Variants in PCDHB7 observed in about 807,000 individuals in gnomAD.
The protein encoded by PCDHB7 is protocadherin beta 7, also known as protocadherin beta-7.
For missense variants in PCDHB7, 1,148 were observed against 1,011.6 expected (o/e 1.13, Z -1.83); for synonymous variants, 542 against 463.1 (o/e 1.17, Z -2.19).
Position 141,173,434 on chromosome 5 carries a change from T to G in PCDHB7, c.599T>G (p.Leu200Arg). 1.2e-6 allele frequency: 2 copies of G among 1,614,224 alleles called. No homozygotes were observed. The highest frequency in any genetic ancestry group is 8.5e-7 in the Non-Finnish European group (1 of 1,180,050). ...CCCGAATTGGTGCTGAATCAAGTGCTGGATCGGGAAGAGATACCAGAGTTC... is the reference window on the plus strand; with the variant it reads ...CCCGAATTGGTGCTGAATCAAGTGCGGGATCGGGAAGAGATACCAGAGTTC... ...IYPELVLNQVLDREEIPEFSL... is the reference protein window; with the variant it reads ...IYPELVLNQVRDREEIPEFSL... Residue 200 changes from leucine to arginine, a missense_variant, in exon 1 of 1, where the codon CTG becomes CGG. Physicochemically the swap from Leu to Arg is moderately radical, Grantham distance 102. Coordinates refer to ENST00000231137, the MANE Select transcript of PCDHB7 (RefSeq NM_018940.4).
chr5:141,173,678 T>A lies in PCDHB7; in HGVS notation c.843T>A (p.Phe281Leu). The change falls in exon 1 of 1, where the codon TTT becomes TTA. Residue 281 changes from phenylalanine to leucine, a missense_variant. Coordinates refer to ENST00000231137, the MANE Select transcript of PCDHB7 (RefSeq NM_018940.4). ...TGSNGEIAYA[F>L]SYATERILKT... ...GTAATGGGGAAATAGCCTATGCATTTTCTTACGCCACTGAAAGAATTCTCA... is the reference window on the plus strand; with the variant it reads ...GTAATGGGGAAATAGCCTATGCATTATCTTACGCCACTGAAAGAATTCTCA... 6.2e-7 allele frequency: 1 copy of A among 1,614,202 alleles called. No homozygotes were observed. The highest frequency in any genetic ancestry group is 1.3e-5 in the African/African-American group (1 of 75,068).
At position 141,172,799 on chromosome 5, in the gene PCDHB7, G is replaced by T; in HGVS notation, c.-37G>T. On this transcript the variant is annotated 5_prime_UTR_variant, in exon 1 of 1. Transcript: ENST00000231137. ...CCATTTGTGAGAGCCGCTGGAGGCT[G>T]AGTGAAAGTCATTTTGAAAGACTGA... 6.5e-7 allele frequency: 1 copy of T among 1,550,200 alleles called. No homozygotes were observed. The highest frequency in any genetic ancestry group is 8.8e-7 in the Non-Finnish European group (1 of 1,131,638).
In PCDHB7 at chr5:141,173,511, G is replaced by T. The variant is rs372965970; in HGVS notation, c.676G>T (p.Ala226Ser). 1.2e-6 allele frequency: 2 copies of T among 1,613,912 alleles called. No homozygotes were observed. The highest frequency in any genetic ancestry group is 1.7e-5 in the Admixed American group (1 of 60,010). ...DGGSPPRSGT[A>S]LVRILVLDVN... is the part of the protein sequence containing the mutation. ...CGGCTCTCCTCCAAGATCAGGGACC[G>T]CCCTCGTGCGCATTCTGGTTCTAGA... is the stretch of plus-strand genomic sequence containing the variant. Residue 226 changes from alanine to serine, a missense_variant, in exon 1 of 1, where the codon GCC (alanine) becomes TCC (serine). Transcript: ENST00000231137.
rs1554280287 is a variant in PCDHB7, at chr5:141,174,657, A to G, written c.1822A>G (p.Lys608Glu). The G allele has an allele frequency of 1.9e-6, 3 of 1,610,420 alleles. No homozygotes were observed. The highest frequency in any genetic ancestry group is 1.7e-5 in the Admixed American group (1 of 60,014). Residue 608 changes from lysine (K) to glutamate (E), a missense_variant, in exon 1 of 1, where the codon AAG (lysine) becomes GAG (glutamate). Lys to Glu is a moderately conservative substitution (Grantham distance 56). Transcript: ENST00000231137. ...CGCCTGGCTGTCGTACCAGCTGCTC[A>G]AGGCCACGGAGCCCGGGCTATTCGG... ...QNAWLSYQLL[K>E]ATEPGLFGVW...
chr5:141,174,471 C>G lies in PCDHB7; in HGVS notation c.1636C>G (p.Leu546Val), dbSNP rs1439954147. Reference protein sequence around the residue: ...RGSPALSSEALVRVLVLDAND... With the variant: ...RGSPALSSEAVVRVLVLDAND... ...CTCCCCCGCGCTGAGCAGCGAGGCGCTGGTGCGCGTGCTGGTGCTGGACGC... is the reference window on the plus strand; with the variant it reads ...CTCCCCCGCGCTGAGCAGCGAGGCGGTGGTGCGCGTGCTGGTGCTGGACGC... The change falls in exon 1 of 1, where the codon CTG (leucine) becomes GTG (valine). Residue 546 changes from leucine (L) to valine (V), a missense_variant. By Grantham distance (32) the Leu-to-Val change is conservative. Transcript: ENST00000231137. The G allele has an allele frequency of 2.3e-5, 37 of 1,611,208 alleles. No individual in the cohort carries two copies. The highest frequency in any genetic ancestry group is 3.0e-5 in the Non-Finnish European group (35 of 1,179,552).
rs574144062 is a variant in PCDHB7, at chr5:141,173,538, G to A, written c.703G>A (p.Val235Ile). 2 of 1,613,676 alleles carry A rather than the reference G, an allele frequency of 1.2e-6. No individual in the cohort carries two copies. Among genetic ancestry groups the A allele is most frequent in the South Asian group, 1.1e-5 (1 of 91,038 alleles). ...TALVRILVLD[V>I]NDNAPDFVRS... The stretch of plus-strand genomic sequence containing the variant: ...CCTCGTGCGCATTCTGGTTCTAGAC[G>A]TAAATGACAACGCCCCTGATTTTGT... The change falls in exon 1 of 1, where the codon GTA becomes ATA. Residue 235 changes from valine to isoleucine, a missense_variant. Physicochemically the swap from Val to Ile is conservative, Grantham distance 29. Coordinates refer to ENST00000231137, the MANE Select transcript of PCDHB7 (RefSeq NM_018940.4).
Position 141,174,182 on chromosome 5 carries a change from C to G in PCDHB7, c.1347C>G (p.Pro449=). The G allele has an allele frequency of 1.9e-6, 3 of 1,613,594 alleles. No individual in the cohort carries two copies. Among genetic ancestry groups the G allele is most frequent in the Non-Finnish European group, 2.5e-6 (3 of 1,180,044 alleles). Residue 449 remains proline, a synonymous_variant, in exon 1 of 1, where the codon CCC becomes CCG. Transcript: ENST00000231137. ...TCTCCGACGTCAATGACAACGCTCC[C>G]GCCTTCACCCAAACCTCCTACACCC... The part of the protein sequence containing the change: ...VLVSDVNDNA[P]AFTQTSYTLF...
rs552026550 is a variant in PCDHB7, at chr5:141,173,658, G to A, written c.823G>A (p.Gly275Arg). The A allele has an allele frequency of 1.2e-6, 2 of 1,614,152 alleles. No homozygotes were observed. The highest frequency in any genetic ancestry group is 1.3e-5 in the African/African-American group (1 of 75,050). Residue 275 changes from glycine (G) to arginine (R), a missense_variant, in exon 1 of 1, where the codon GGG (glycine) becomes AGG (arginine). By Grantham distance (125) the Gly-to-Arg change is moderately radical (BLOSUM62 -2). Coordinates refer to ENST00000231137, the MANE Select transcript of PCDHB7 (RefSeq NM_018940.4). ...CAGAGATTTAGATACCGGAAGTAAT[G>A]GGGAAATAGCCTATGCATTTTCTTA... The part of the protein sequence containing the change: ...SARDLDTGSN[G>R]EIAYAFSYAT...
chr5:141,174,463 G>A lies in PCDHB7; in HGVS notation c.1628G>A (p.Ser543Asn). The change falls in exon 1 of 1, where the codon AGC (serine) becomes AAC (asparagine). Residue 543 changes from serine to asparagine, a missense_variant. Coordinates refer to ENST00000231137, the MANE Select transcript of PCDHB7 (RefSeq NM_018940.4). ...ATDRGSPALS[S>N]EALVRVLVLD... ...GACCGCGGCTCCCCCGCGCTGAGCA[G>A]CGAGGCGCTGGTGCGCGTGCTGGTG... 2 of 1,611,508 alleles carry A rather than the reference G, an allele frequency of 1.2e-6. No homozygotes were observed. Among genetic ancestry groups the A allele is most frequent in the Non-Finnish European group, 1.7e-6 (2 of 1,179,664 alleles).
chr5:141,175,883 C>T lies in PCDHB7; in HGVS notation c.*666C>T, dbSNP rs1588350956. On this transcript the variant is annotated 3_prime_UTR_variant, in exon 1 of 1. Transcript: ENST00000231137. ...GAAGTCTTTTATCATATTTATACTGCTGTCCAATCTTTTCTATATTTAGAA... is the reference window on the plus strand; with the variant it reads ...GAAGTCTTTTATCATATTTATACTGTTGTCCAATCTTTTCTATATTTAGAA... 1 of 167,190 alleles carries T rather than the reference C, an allele frequency of 6.0e-6. No individual in the cohort carries two copies. The highest frequency in any genetic ancestry group is 2.1e-4 in the South Asian group (1 of 4,838). 10.4% of individuals were successfully genotyped at this position (167,190 alleles called of 1,614,324 possible).
chr5:141,174,959 G>C lies in PCDHB7; in HGVS notation c.2124G>C (p.Ala708=), dbSNP rs781841171. 1 of 1,611,298 alleles carries C rather than the reference G, an allele frequency of 6.2e-7. No homozygotes were observed. Among genetic ancestry groups the C allele is most frequent in the Non-Finnish European group, 8.5e-7 (1 of 1,178,142 alleles). ...TCCTCTCGGTGCTCCTGTTCGTGGCGGTGCGGCTGTGCAGGAGGAGCAGGG... is the reference window on the plus strand; with the variant it reads ...TCCTCTCGGTGCTCCTGTTCGTGGCCGTGCGGCTGTGCAGGAGGAGCAGGG... ...LFLLSVLLFV[A]VRLCRRSRAA... is the part of the protein sequence containing the mutation. Residue 708 remains alanine (A), a synonymous_variant, in exon 1 of 1, where the codon GCG becomes GCC. Coordinates refer to ENST00000231137, the MANE Select transcript of PCDHB7 (RefSeq NM_018940.4).
Position 141,175,349 on chromosome 5 carries a change from C to G in PCDHB7, c.*132C>G. The G allele has an allele frequency of 9.8e-7, 1 of 1,017,896 alleles. No individual in the cohort carries two copies. Among genetic ancestry groups the G allele is most frequent in the East Asian group, 2.7e-5 (1 of 37,540 alleles). The allele number at this position is 1,017,896 out of a possible 1,614,324, so 63.1% of individuals were successfully genotyped here. ...TGAAGTCAAGCAATAAATTTCTATA[C>G]ATAAAATAGGATCCTGATTTAGTAT... is the stretch of plus-strand genomic sequence containing the variant. On this transcript the variant is annotated 3_prime_UTR_variant, in exon 1 of 1. Coordinates refer to ENST00000231137, the MANE Select transcript of PCDHB7 (RefSeq NM_018940.4).
rs782128590 is a variant in PCDHB7 at position 141,173,647 on chromosome 5, C to G, written c.812C>G (p.Thr271Ser). The part of the protein sequence containing the change: ...VVSVSARDLD[T>S]GSNGEIAYAF... ...TCCGTGTCAGCCAGAGATTTAGATA[C>G]CGGAAGTAATGGGGAAATAGCCTAT... The change falls in exon 1 of 1, where the codon ACC (threonine) becomes AGC (serine). Residue 271 changes from threonine (T) to serine (S), a missense_variant. Physicochemically the swap from Thr to Ser is moderately conservative, Grantham distance 58 (BLOSUM62 1). Coordinates refer to ENST00000231137, the MANE Select transcript of PCDHB7 (RefSeq NM_018940.4). The G allele has an allele frequency of 6.2e-7, 1 of 1,614,136 alleles. No homozygotes were observed. Among genetic ancestry groups the G allele is most frequent in the South Asian group, 1.1e-5 (1 of 91,078 alleles).
chr5:141,175,137 A>T lies in PCDHB7; in HGVS notation c.2302A>T (p.Ile768Phe). 6.2e-7 allele frequency: 1 copy of T among 1,614,196 alleles called. No homozygotes were observed. The highest frequency in any genetic ancestry group is 8.5e-7 in the Non-Finnish European group (1 of 1,180,016). The change falls in exon 1 of 1, where the codon ATT becomes TTT. Residue 768 changes from isoleucine (I) to phenylalanine (F), a missense_variant. Transcript: ENST00000231137. ...AAATGAGTTCAAGTTTCTGAAACCA[A>T]TTATCCCCAACCTGCTACCCCAGAG... ...GTNEFKFLKP[I>F]IPNLLPQSTG...
rs781909345 is a variant in PCDHB7, at chr5:141,173,996, C to T, written c.1161C>T (p.Asp387=). Residue 387 remains aspartate (D), a synonymous_variant, in exon 1 of 1, where the codon GAC becomes GAT. Transcript: ENST00000231137. ...GAAAGACAGTGTGCTCCATCCAGGA[C>T]GATGTCCCCTTCATCCTGAAGCCAT... ...NNGKTVCSIQ[D]DVPFILKPSV... The T allele has an allele frequency of 1.2e-6, 2 of 1,614,120 alleles. No individual in the cohort carries two copies. Among genetic ancestry groups the T allele is most frequent in the Non-Finnish European group, 1.7e-6 (2 of 1,180,014 alleles).
At position 141,174,326 on chromosome 5, in the gene PCDHB7, C is replaced by T; in HGVS notation, c.1491C>T (p.His497=). The T allele has an allele frequency of 6.2e-7, 1 of 1,612,974 alleles. No individual in the cohort carries two copies. The highest frequency in any genetic ancestry group is 2.2e-5 in the East Asian group (1 of 44,872). Residue 497 remains histidine (H), a synonymous_variant, in exon 1 of 1, where the codon CAC becomes CAT. Transcript: ENST00000231137. ...IYSLLPSQDP[H]LPLASLVSIN... ...CCCTGCTGCCGTCCCAGGACCCGCA[C>T]CTGCCCCTCGCCTCCCTGGTCTCCA...
chr5:141,175,142 C>T lies in PCDHB7; in HGVS notation c.2307C>T (p.Ile769=). The T allele has an allele frequency of 1.9e-6, 3 of 1,614,218 alleles. No individual in the cohort carries two copies. Among genetic ancestry groups the T allele is most frequent in the Non-Finnish European group, 2.5e-6 (3 of 1,180,032 alleles). ...TNEFKFLKPI[I]PNLLPQSTGR... ...AGTTCAAGTTTCTGAAACCAATTATCCCCAACCTGCTACCCCAGAGCACAG... is the reference window on the plus strand; with the variant it reads ...AGTTCAAGTTTCTGAAACCAATTATTCCCAACCTGCTACCCCAGAGCACAG... The change falls in exon 1 of 1, where the codon ATC becomes ATT. Residue 769 remains isoleucine, a synonymous_variant. Transcript: ENST00000231137.
Position 141,175,006 on chromosome 5 carries a change from C to A in PCDHB7, c.2171C>A (p.Ser724Ter). 1 of 1,614,014 alleles carries A rather than the reference C, an allele frequency of 6.2e-7. No individual in the cohort carries two copies. Among genetic ancestry groups the A allele is most frequent in the Non-Finnish European group, 8.5e-7 (1 of 1,179,980 alleles). Residue 724 changes from serine (S) to a stop codon, truncating the protein, a stop_gained, in exon 1 of 1, where the codon TCG becomes TAG. Coordinates refer to ENST00000231137, the MANE Select transcript of PCDHB7 (RefSeq NM_018940.4). LOFTEE classifies it low-confidence loss of function (END_TRUNC). Reference sequence around the variant, plus strand: ...AGGGCGGCCCCGGTGGGTCGCTGCTCGGTGCCTGAGGGCCCCTTTCCACGA... The same window carrying A: ...AGGGCGGCCCCGGTGGGTCGCTGCTAGGTGCCTGAGGGCCCCTTTCCACGA... ...RSRAAPVGRC[S>*]VPEGPFPRHL...
At position 141,175,109 on chromosome 5, in the gene PCDHB7, G is replaced by C. The variant is rs781932710; in HGVS notation, c.2274G>C (p.Gly758=). ...AGGTGTGCCTGACTGGAGGCTCCGG[G>C]ACAAATGAGTTCAAGTTTCTGAAAC... ...QYEVCLTGGS[G]TNEFKFLKPI... is the part of the protein sequence containing the mutation. Residue 758 remains glycine (G), a synonymous_variant, in exon 1 of 1, where the codon GGG becomes GGC. Transcript: ENST00000231137. 2 of 1,614,254 alleles carry C rather than the reference G, an allele frequency of 1.2e-6. No homozygotes were observed. The highest frequency in any genetic ancestry group is 1.1e-5 in the South Asian group (1 of 91,088).
Sources: gnomAD v4.1 joint callset for allele counts on GRCh38, gnomAD v4.1.1 for gene constraint, MANE v1.5 for transcripts, NCBI Gene and HGNC (gene_info 2026-07-23, HGNC 2026-07-21) for gene names.